Variants in UNC80 observed in about 807,000 individuals in gnomAD.
The protein encoded by UNC80 is unc-80 subunit of NALCN channel complex.
A neutral mutation model predicts 384.6 loss-of-function variants in UNC80; 164 were observed. The ratio of observed to expected loss-of-function variants is 0.43; its 90% CI spans 0.38 to 0.49. The LOEUF (loss-of-function observed/expected upper bound fraction) is 0.49. Among genes scored for constraint, UNC80 ranks in the 20% least tolerant of loss-of-function variants. UNC80 has a pLI of 0.00. For missense variants in UNC80, 3,330 were observed against 4,143.0 expected (o/e 0.80, Z 5.39); for synonymous variants, 1,486 against 1,527.8 (o/e 0.97, Z 0.64).
chr2:209,970,778 G>A (rs1454461282), intron 53 of UNC80, 54 bp from the exon 54 acceptor site: 2 of 1,527,906 alleles, frequency 1.3e-6, no homozygotes, highest in Non-Finnish European at 8.8e-7. Context: ...CTTTACTACG[G>A]TTGCATGAAA....
At chr2:209,824,283 G>A (rs751443449) in intron 13 of UNC80, among the ~76,000 whole-genome samples, 16 of 152,062 alleles carry the variant, frequency 1.1e-4, no homozygotes, top group Non-Finnish European at 2.4e-4. Flanking sequence ...CTGGAAACAG[G>A]CTCCAATATG....
intron 53 of UNC80, 58 bp downstream of exon 53, chr2:209,969,949 T>G (rs937361558): frequency 7.8e-6 from 12 of 1,534,566 alleles, no homozygotes; most frequent in East Asian, 4.9e-5. Flanking sequence ...TGCTATTGAC[T>G]TCTCTGAATT....
chr2:209,796,740 C>G (rs1483959460), intron 7 of UNC80, among the ~76,000 whole-genome samples: 3 of 152,154 alleles, frequency 2.0e-5, no homozygotes, highest in African/African-American at 7.2e-5. Context: ...TAAGAAGTGC[C>G]TTTCACATCC....
At chr2:209,975,196 G>A (rs994295732) in intron 56 of UNC80, among the ~76,000 whole-genome samples, 11 of 152,282 alleles carry the variant, frequency 7.2e-5, no homozygotes, top group East Asian at 5.8e-4. Flanking sequence ...GAATCAAAAT[G>A]TGTTTAGTAT....
At position 209,821,053 on chromosome 2, in the gene UNC80, A is replaced by G. The variant is rs113508396; in HGVS notation, c.2331+374A>G. Among the ~76,000 whole-genome samples, 574 of 151,738 alleles carry G rather than the reference A, an allele frequency of 3.8e-3. 2 individuals carry two copies. Among genetic ancestry groups the G allele is most frequent in the African/African-American group, 0.014 (557 of 41,178 alleles). ...TGTCTTAGTCTCCTCAAGCTGCCAT[A>G]ACAAAATACCATAGACTGAGTGGCT... On this transcript the variant is annotated intron_variant, in intron 13 of 64. Coordinates refer to ENST00000673920, the MANE Select transcript of UNC80 (RefSeq NM_001371986.1).
intron 49 of UNC80, among the ~76,000 whole-genome samples, chr2:209,958,497 A>C (rs1319759081): frequency 6.6e-6 from 1 of 152,222 alleles, no homozygotes; most frequent in Non-Finnish European, 1.5e-5. Flanking sequence ...TTCCCTGCTC[A>C]TCATATATAT....
Position 209,866,529 on chromosome 2 carries a change from CACACAGAGAG to C in UNC80, c.3628-6227_3628-6218del, listed in dbSNP as rs1375612232. Among the ~76,000 whole-genome samples, 449 of 126,542 alleles carry C rather than the reference CACACAGAGAG, an allele frequency of 3.5e-3. 2 individuals carry two copies. The highest frequency in any genetic ancestry group is 0.016 in the African/African-American group (427 of 27,346). 83.0% of individuals were successfully genotyped at this position (126,542 alleles called of 152,430 possible). A position where few individuals can be genotyped will look rare whatever the true frequency, so the allele number is the denominator to read the frequency against. ...ACACACACACACACACACACACACA[CACACAGAGAG>C]AGAGAGAGAGAGAGAGAGAGAGAGA... On this transcript the variant is annotated intron_variant, in intron 22 of 64. Transcript: ENST00000673920.
At chr2:209,865,484 C>A (rs1023334673) in intron 22 of UNC80, among the ~76,000 whole-genome samples, 2 of 151,822 alleles carry the variant, frequency 1.3e-5, no homozygotes, top group African/African-American at 4.8e-5. Context: ...CGCCTGTAGT[C>A]CCAGCTCCTC....
intron 33 of UNC80, among the ~76,000 whole-genome samples, chr2:209,920,594 G>A (rs534966975): frequency 2.0e-5 from 3 of 152,260 alleles, no homozygotes; most frequent in African/African-American, 7.2e-5. Context: ...CTTGGCTACT[G>A]TTAAATAGAG....
At chr2:209,783,573 A>C (rs1207182442) in intron 4 of UNC80, among the ~76,000 whole-genome samples, 1 of 152,134 alleles carries the variant, frequency 6.6e-6, no homozygotes, top group Non-Finnish European at 1.5e-5. Flanking sequence ...ACTTGTATTC[A>C]AGAAATATAC....
chr2:209,867,888 C>T (rs2083968990), intron 22 of UNC80, among the ~76,000 whole-genome samples: 3 of 152,298 alleles, frequency 2.0e-5, no homozygotes, highest in African/African-American at 7.2e-5. Context: ...TTCAGGTGTT[C>T]TAAATCAAAT....
chr2:209,900,410 T>C (rs1017819492), intron 28 of UNC80, among the ~76,000 whole-genome samples: 2 of 152,216 alleles, frequency 1.3e-5, no homozygotes, highest in African/African-American at 4.8e-5. Context: ...CTTGATGATA[T>C]TATTGTCGTT....
intron 3 of UNC80, 54 bp from the exon 4 acceptor site, chr2:209,777,204 A>T (rs866411994): frequency 1.3e-6 from 2 of 1,514,722 alleles, no homozygotes; most frequent in Middle Eastern, 1.9e-4. Flanking sequence ...GTTGACATCT[A>T]TTGCCCTGGT....
chr2:209,908,979 T>C (rs10202695), intron 29 of UNC80, among the ~76,000 whole-genome samples: 139 of 152,312 alleles, frequency 9.1e-4, no homozygotes, highest in African/African-American at 3.2e-3. Context: ...AAACACCTTA[T>C]TACAGTGTTA....
In UNC80 at chr2:209,911,993, C is replaced by A. The variant is rs543307373; in HGVS notation, c.4783-567C>A. On this transcript the variant is annotated intron_variant, in intron 29 of 64. Transcript: ENST00000673920. Reference sequence around the variant, plus strand: ...AAAAGAAATCATTTTACCTGTACAACTCAGTCCTTGATAATGGATACTATG... The same window carrying A: ...AAAAGAAATCATTTTACCTGTACAAATCAGTCCTTGATAATGGATACTATG... 1.4e-3 allele frequency among the ~76,000 whole-genome samples: 216 copies of A among 152,296 alleles called. 3 individuals carry two copies. The Middle Eastern group carries it at 0.027, about 19-fold the overall frequency.
chr2:209,945,857 T>C lies in UNC80; in HGVS notation c.7200T>C (p.Tyr2400=), dbSNP rs2091892293. The change falls in exon 47 of 65, where the codon TAT becomes TAC. Residue 2400 remains tyrosine, a synonymous_variant. Transcript: ENST00000673920. ...TTTTTGTTCCTTCAGATTTCTGCTA[T>C]GGAAACGAAGATCTGACATTTTCTA... ...EKPLKSLDFC[Y]GNEDLTFSIS... 1.3e-6 allele frequency: 2 copies of C among 1,551,702 alleles called. No individual in the cohort carries two copies. Among genetic ancestry groups the C allele is most frequent in the East Asian group, 2.4e-5 (1 of 40,920 alleles).
chr2:209,938,937 A>G (rs1278246379), intron 42 of UNC80, among the ~76,000 whole-genome samples: 1 of 152,124 alleles, frequency 6.6e-6, no homozygotes, highest in Non-Finnish European at 1.5e-5. Context: ...AGAGAAAAGG[A>G]CCTAAGAACC....
intron 43 of UNC80, among the ~76,000 whole-genome samples, chr2:209,940,863 A>G (rs1334379057): frequency 6.6e-6 from 1 of 152,186 alleles, no homozygotes; most frequent in Non-Finnish European, 1.5e-5. Context: ...TCAGCAGTAG[A>G]TAGAGCTCTA....
chr2:209,924,059 T>G (rs1467110094), intron 35 of UNC80, among the ~76,000 whole-genome samples: 1 of 152,124 alleles, frequency 6.6e-6, no homozygotes, highest in African/African-American at 2.4e-5. Flanking sequence ...ATAAAACATT[T>G]ATAATAGCTG....
Sources: gnomAD v4.1 joint callset for allele counts (sites outside exome capture counted in the v4.1 genomes callset) on GRCh38, gnomAD v4.1.1 for gene constraint, MANE v1.5 for transcripts, NCBI Gene and HGNC (gene_info 2026-07-23, HGNC 2026-07-21) for gene names.